EIF4ENIF1: variants seen among roughly 807,000 people sequenced by gnomAD.
The protein encoded by EIF4ENIF1 is eukaryotic translation initiation factor 4E nuclear import factor 1, also known as eukaryotic translation initiation factor 4E transporter.
Under a neutral mutation model 110.5 loss-of-function variants are expected in EIF4ENIF1, and 23 were observed. The ratio of observed to expected loss-of-function variants is 0.21; its 90% confidence interval spans 0.15 to 0.29. The LOEUF (loss-of-function observed/expected upper bound fraction) is 0.29. Among genes scored for constraint, EIF4ENIF1 ranks in the 10% least tolerant of loss-of-function variants. The pLI, the probability that EIF4ENIF1 is intolerant of heterozygous loss-of-function variation, is 1.00. For missense variants in EIF4ENIF1, 1,031 were observed against 1,221.1 expected (o/e 0.84, Z 2.32); for synonymous variants, 440 against 437.0 (o/e 1.01, Z -0.09).
At position 31,476,254 on chromosome 22, in the gene EIF4ENIF1, TA is replaced by T. The variant is rs977687486; in HGVS notation, c.97-4338del. Among the ~76,000 whole-genome samples the T allele has an allele frequency of 9.2e-5, 14 of 152,172 alleles. No individual in the cohort carries two copies. In the Middle Eastern group the frequency reaches 0.013, roughly 138 times the overall value. ...TTTCACGCTTAAATGTGTAAATTCT[TA>T]ATGTAGGGAAGTTTCTAAGTGGTGT... On this transcript the variant is annotated intron_variant, in intron 2 of 18. Coordinates refer to ENST00000330125, the MANE Select transcript of EIF4ENIF1 (RefSeq NM_019843.4).
intron 12 of EIF4ENIF1, 55 bp downstream of exon 12, chr22:31,449,293 A>T: frequency 6.4e-7 from 1 of 1,556,076 alleles, no homozygotes; most frequent in Non-Finnish European, 8.8e-7. Context: ...TACAGGCATG[A>T]GCTACCGTGC....
At position 31,464,726 on chromosome 22, in the gene EIF4ENIF1, A is replaced by ATATATATATATATATATATT. The variant is rs796108181; in HGVS notation, c.299-760_299-759insAATATATATATATATATATA. 3.3e-3 allele frequency among the ~76,000 whole-genome samples: 186 copies of ATATATATATATATATATATT among 57,078 alleles called. 13 individuals are homozygous for ATATATATATATATATATATT. The highest frequency in any genetic ancestry group is 5.8e-3 in the African/African-American group (77 of 13,388). 37.4% of individuals were successfully genotyped at this position (57,078 alleles called of 152,430 possible). Reference sequence around the variant, plus strand: ...TATATATATATATATATATATATATAAACAGATATATACAAAAATTAATTC... The same window carrying ATATATATATATATATATATT: ...TATATATATATATATATATATATATATATATATATATATATATATTAACAGATATATACAAAAATTAATTC... On this transcript the variant is annotated intron_variant, in intron 4 of 18. Coordinates refer to ENST00000330125, the MANE Select transcript of EIF4ENIF1 (RefSeq NM_019843.4).
At chr22:31,471,077 T>C (rs1376951829) in intron 3 of EIF4ENIF1, among the ~76,000 whole-genome samples, 1 of 151,736 alleles carries the variant, frequency 6.6e-6, no homozygotes, top group Non-Finnish European at 1.5e-5. Flanking sequence ...ATAGGATTAT[T>C]GTAGGAGATT....
chr22:31,450,032 G>T (rs534191660), intron 11 of EIF4ENIF1, among the ~76,000 whole-genome samples: 1 of 152,168 alleles, frequency 6.6e-6, no homozygotes, highest in Admixed American at 6.5e-5. Context: ...TGCCTGGCTA[G>T]ATACTTTTAA....
downstream of EIF4ENIF1, among the ~76,000 whole-genome samples, chr22:31,438,632 G>A (rs1400147354): frequency 6.6e-6 from 1 of 152,082 alleles, no homozygotes; most frequent in Non-Finnish European, 1.5e-5. Context: ...CTATCTATAG[G>A]GTCAGTCCAG....
chr22:31,445,948 G>C (rs1350907288), intron 14 of EIF4ENIF1, among the ~76,000 whole-genome samples: 4 of 136,998 alleles, frequency 2.9e-5, no homozygotes, highest in Non-Finnish European at 6.2e-5. Context: ...ATGCAGTTAC[G>C]TACCGCCCCC....
chr22:31,472,270 ATT>A (rs11404399), intron 2 of EIF4ENIF1, among the ~76,000 whole-genome samples: 16 of 142,164 alleles, frequency 1.1e-4, no homozygotes, highest in Non-Finnish European at 1.2e-4. Context: ...TTACAAGGGG[ATT>A]TTTTTTTTTT....
At chr22:31,493,003 TACA>T, upstream of EIF4ENIF1, among the ~76,000 whole-genome samples, 1 of 152,074 alleles carries the variant, frequency 6.6e-6, no homozygotes, top group South Asian at 2.1e-4. Flanking sequence ...GTGCTGGGAT[TACA>T]GGCATGAGCT....
chr22:31,492,783 G>A (rs559720913), upstream of EIF4ENIF1, among the ~76,000 whole-genome samples: 2 of 152,294 alleles, frequency 1.3e-5, no homozygotes, highest in South Asian at 4.1e-4. Context: ...CCAGGCTGGA[G>A]TGCAATGGTG....
chr22:31,438,766 A>G (rs138047413), downstream of EIF4ENIF1, among the ~76,000 whole-genome samples: 3,536 of 151,936 alleles, frequency 0.023, 125 homozygotes, highest in African/African-American at 0.08. Context: ...CTCTGTCGCC[A>G]GGCTGGACTG....
intron 10 of EIF4ENIF1, among the ~76,000 whole-genome samples, chr22:31,452,795 T>C (rs183873061): frequency 2.6e-5 from 4 of 152,350 alleles, no homozygotes; most frequent in African/African-American, 9.6e-5. Flanking sequence ...AGGGACATTC[T>C]CCTGCAACTG....
intron 6 of EIF4ENIF1, 41 bp downstream of exon 6, chr22:31,462,891 A>G (rs1281490780): frequency 6.2e-7 from 1 of 1,603,436 alleles, no homozygotes. Context: ...CCTACATCTC[A>G]TTTTAAAACA....
chr22:31,484,541 A>T (rs572826018), intron 2 of EIF4ENIF1, among the ~76,000 whole-genome samples: 20 of 140,612 alleles, frequency 1.4e-4, no homozygotes, highest in East Asian at 1.4e-3. Context: ...CCACCTATTT[A>T]AAAAAAAAAA....
intron 4 of EIF4ENIF1, among the ~76,000 whole-genome samples, chr22:31,466,536 C>A (rs965746455): frequency 1.3e-5 from 2 of 149,830 alleles, no homozygotes; most frequent in Admixed American, 1.3e-4. Flanking sequence ...AAGCAGAGAC[C>A]ACGCCACTGT....
chr22:31,441,819 C>G lies in EIF4ENIF1; in HGVS notation c.2506G>C (p.Ala836Pro), dbSNP rs1296382004. Residue 836 changes from alanine (A) to proline (P), a missense_variant, in exon 17 of 19, where the codon GCC becomes CCC. Ala to Pro is a conservative substitution (Grantham distance 27). Coordinates refer to ENST00000330125, the MANE Select transcript of EIF4ENIF1 (RefSeq NM_019843.4). ...AGATGCTGTGGATGTACTCCCTGGG[C>G]CAGCATCCTCTGTACCAACCCTGGG... The part of the protein sequence containing the change: ...LHPGLVQRML[A>P]QGVHPQHLPS... 3 of 1,613,900 alleles carry G rather than the reference C, an allele frequency of 1.9e-6. No individual in the cohort carries two copies. The highest frequency in any genetic ancestry group is 1.3e-5 in the African/African-American group (1 of 74,898).
chr22:31,492,401 T>C (rs2052293418), upstream of EIF4ENIF1, among the ~76,000 whole-genome samples: 1 of 152,214 alleles, frequency 6.6e-6, no homozygotes, highest in African/African-American at 2.4e-5. Flanking sequence ...ATACATGATA[T>C]CAGTGCCCAG....
At chr22:31,492,150 T>C (rs2052292023), upstream of EIF4ENIF1, among the ~76,000 whole-genome samples, 1 of 152,166 alleles carries the variant, frequency 6.6e-6, no homozygotes, top group Admixed American at 6.6e-5. Context: ...CTGAGCTTCC[T>C]TGAAATATCA....
Position 31,450,339 on chromosome 22 carries a change from T to C in EIF4ENIF1, c.1534A>G (p.Met512Val), listed in dbSNP as rs2050607704. 1.2e-6 allele frequency: 2 copies of C among 1,613,468 alleles called. No individual in the cohort carries two copies. The highest frequency in any genetic ancestry group is 1.7e-6 in the Non-Finnish European group (2 of 1,179,512). Reference protein sequence around the residue: ...KVSRNLESHLMSPAEIPGQPV... With the variant: ...KVSRNLESHLVSPAEIPGQPV... ...TGGCCTGGAATCTCAGCAGGGGACA[T>C]CAAATGGCTTTCAAGGTTTCGCTAA... The change falls in exon 11 of 19, where the codon ATG becomes GTG. Residue 512 changes from methionine (M) to valine (V), a missense_variant. Physicochemically the swap from Met to Val is conservative, Grantham distance 21 (BLOSUM62 1). This residue lies in a region of EIF4ENIF1 where 704 missense variants were observed against 879.7 expected (regional missense o/e 0.80). Coordinates refer to ENST00000330125, the MANE Select transcript of EIF4ENIF1 (RefSeq NM_019843.4).
chr22:31,488,182 A>T (rs1424729004), intron 2 of EIF4ENIF1, among the ~76,000 whole-genome samples: 1 of 152,162 alleles, frequency 6.6e-6, no homozygotes, highest in Non-Finnish European at 1.5e-5. Flanking sequence ...AACAGGATTG[A>T]AAAGCCAGTT....
Sources: allele counts gnomAD v4.1 joint callset (sites outside exome capture counted in the v4.1 genomes callset), GRCh38; gene constraint gnomAD v4.1.1; regional missense constraint gnomAD v4.1.1; transcripts MANE v1.5; gene names NCBI Gene and HGNC (gene_info 2026-07-23, HGNC 2026-07-21).